ERICH2: variants seen among roughly 807,000 people sequenced by gnomAD.
ERICH2 encodes glutamate-rich protein 2.
A neutral mutation model predicts 17.4 loss-of-function variants in ERICH2; 17 were observed. That is an observed-to-expected ratio of 0.98 (90% CI 0.67 to 1.47). The LOEUF (loss-of-function observed/expected upper bound fraction) is 1.47. Ranked by LOEUF, ERICH2 falls within the 40% of genes most tolerant of loss-of-function variation. The probability of loss-of-function intolerance (pLI) is 0.00; values close to 1 mark genes in which losing one functional copy is unlikely to be tolerated. For missense variants in ERICH2, 186 were observed against 183.2 expected (o/e 1.01, Z -0.09); for synonymous variants, 51 against 61.1 (o/e 0.83, Z 0.77).
At chr2:170,780,235 T>C (rs1168231843), upstream of ERICH2, among the ~76,000 whole-genome samples, 1 of 152,202 alleles carries the variant, frequency 6.6e-6, no homozygotes, top group Non-Finnish European at 1.5e-5. Flanking sequence ...GTATACTGGT[T>C]ACCTGTTTTT....
chr2:170,779,874 A>G (rs2105681131), upstream of ERICH2: 1 of 980,758 alleles, frequency 1.0e-6, no homozygotes, highest in East Asian at 1.1e-4. Context: ...ATGTAGCTAA[A>G]ACATTCTCAG....
intron 3 of ERICH2, among the ~76,000 whole-genome samples, chr2:170,794,782 C>T (rs868566125): frequency 1.3e-5 from 2 of 152,296 alleles, no homozygotes; most frequent in Middle Eastern, 3.4e-3. Context: ...GATTGAGTGA[C>T]GGTCTGCCCT....
intron 2 of ERICH2, among the ~76,000 whole-genome samples, chr2:170,787,217 A>G (rs1261773405): frequency 6.6e-6 from 1 of 152,136 alleles, no homozygotes; most frequent in Non-Finnish European, 1.5e-5. Context: ...CACACCTGGT[A>G]CCTGGCAATT....
chr2:170,777,576 C>T, the ERICH2 span: 1 of 1,105,840 alleles, frequency 9.0e-7, no homozygotes, highest in Non-Finnish European at 1.1e-6. Context: ...TAAATATTTG[C>T]CATTTAGAAG....
the ERICH2 span, chr2:170,771,267 C>A: frequency 2.4e-3 from 369 of 153,274 alleles, 18 homozygotes; most frequent in South Asian, 0.069. This position sits in a 1 kb window ranked among gnomAD's most constrained non-coding sequence, Gnocchi z 4.8. Flanking sequence ...CAGCAGACCA[C>A]CCCCAGACCG....
intron 2 of ERICH2, 30 bp from the exon 8 acceptor site, chr2:170,792,833 C>A: frequency 1.4e-6 from 2 of 1,407,516 alleles, no homozygotes; most frequent in Middle Eastern, 1.8e-4. Context: ...CATTTAAATT[C>A]ACTTATCTGA....
intron 2 of ERICH2, among the ~76,000 whole-genome samples, chr2:170,787,574 C>T (rs185032735): frequency 0.02 from 3,098 of 152,320 alleles, 125 homozygotes; most frequent in Admixed American, 0.1. Context: ...GATTCTTTCT[C>T]CAGATTCAGA....
At chr2:170,788,959 CTTT>C in intron 2 of ERICH2, among the ~76,000 whole-genome samples, 1 of 122,640 alleles carries the variant, frequency 8.2e-6, no homozygotes, top group East Asian at 2.5e-4. Flanking sequence ...TTCTTTCTTT[CTTT>C]ATTTTTTTTA....
At chr2:170,793,789 G>T (rs970541011) in intron 3 of ERICH2, among the ~76,000 whole-genome samples, 2 of 152,094 alleles carry the variant, frequency 1.3e-5, no homozygotes, top group African/African-American at 4.8e-5. Context: ...TTTATCTTTG[G>T]TTTTTAATGG....
intron 1 of ERICH2, 43 bp from the exon 7 acceptor site, chr2:170,784,603 C>G: frequency 7.7e-7 from 1 of 1,298,920 alleles, no homozygotes; most frequent in South Asian, 2.1e-5. Flanking sequence ...AATTTGCGAA[C>G]TTTTCGATCT....
chr2:170,789,692 A>G (rs1230735909), intron 2 of ERICH2, among the ~76,000 whole-genome samples: 1 of 152,214 alleles, frequency 6.6e-6, no homozygotes, highest in Non-Finnish European at 1.5e-5. Flanking sequence ...AAGGAAATAT[A>G]TTTTATGCTA....
intron 3 of ERICH2, among the ~76,000 whole-genome samples, chr2:170,794,403 G>A (rs1701368278): frequency 6.6e-6 from 1 of 151,860 alleles, no homozygotes; most frequent in African/African-American, 2.4e-5. Flanking sequence ...CATAGCACCT[G>A]GCTCTCTTTC....
At chr2:170,784,548 T>C (rs1701105657) in intron 1 of ERICH2, 98 bp from the exon 7 acceptor site, 1 of 561,642 alleles carries the variant, frequency 1.8e-6, no homozygotes, top group Non-Finnish European at 3.0e-6. Context: ...GTTACTTTTA[T>C]TAATATATCA....
Position 170,798,024 on chromosome 2 carries a change from T to A in ERICH2, c.275-17T>A, listed in dbSNP as rs755812427. On this transcript the variant is annotated splice_polypyrimidine_tract_variant and intron_variant, in intron 3 of 4. Coordinates refer to ENST00000409885, the Ensembl canonical transcript of ERICH2. ...AACGTTAATAACACACATTCTGTTG[T>A]CCATTTTCATTTTCAGTCCTAATCT... The A allele has an allele frequency of 2.6e-6, 4 of 1,525,120 alleles. No individual in the cohort carries two copies. Among genetic ancestry groups the A allele is most frequent in the Non-Finnish European group, 3.6e-6 (4 of 1,124,036 alleles). 94.5% of individuals were successfully genotyped at this position (1,525,120 alleles called of 1,614,324 possible).
chr2:170,779,245 C>CT (rs1700974398), upstream of ERICH2, among the ~76,000 whole-genome samples: 1 of 152,118 alleles, frequency 6.6e-6, no homozygotes, highest in African/African-American at 2.4e-5. Flanking sequence ...TTCAGCATAG[C>CT]TTCCATTCCG....
exon 3 of ERICH2, chr2:170,792,919 G>T: frequency 6.7e-7 from 1 of 1,497,210 alleles, no homozygotes. Flanking sequence ...TATGTCAGAT[G>T]AGTAAGTACA....
intron 2 of ERICH2, among the ~76,000 whole-genome samples, chr2:170,792,445 C>G (rs948955500): frequency 2.0e-5 from 3 of 151,934 alleles, no homozygotes; most frequent in African/African-American, 7.2e-5. Context: ...AAGAGCAATG[C>G]TGGAAAATAT....
chr2:170,798,001 C>T (rs962985733), intron 3 of ERICH2, 40 bp from the exon 9 acceptor site: 7 of 1,396,812 alleles, frequency 5.0e-6, no homozygotes, highest in African/African-American at 4.3e-5. Context: ...CAACACTGAA[C>T]GTTAATAACA....
intron 2 of ERICH2, among the ~76,000 whole-genome samples, chr2:170,788,682 T>C (rs1181554363): frequency 1.3e-5 from 2 of 152,122 alleles, no homozygotes; most frequent in Non-Finnish European, 2.9e-5. Flanking sequence ...TTTCACCATG[T>C]TGGCCAGGAT....
Sources: allele counts gnomAD v4.1 joint callset (sites outside exome capture counted in the v4.1 genomes callset), GRCh38; gene constraint gnomAD v4.1.1; non-coding constraint Gnocchi (gnomAD v3.1); transcripts MANE v1.5; gene names NCBI Gene and HGNC (gene_info 2026-07-23, HGNC 2026-07-21).